Variants in DOCK4 observed in about 807,000 individuals in gnomAD.
DOCK4 encodes the protein dedicator of cytokinesis protein 4.
A neutral mutation model predicts 268.1 loss-of-function variants in DOCK4; 97 were observed. The observed-to-expected ratio is 0.36, with a 90% confidence interval of 0.31 to 0.43. DOCK4 has a LOEUF of 0.43. DOCK4 is among the 20% of genes least tolerant of loss of function. The pLI, the probability that DOCK4 is intolerant of heterozygous loss-of-function variation, is 1.00. For synonymous variants in DOCK4, 954 were observed against 887.2 expected, an observed-to-expected ratio of 1.08 and a Z score of -1.34; for missense variants, 2,145 against 2,455.7, an observed-to-expected ratio of 0.87 and a Z score of 2.67.
At chr7:111,837,570 C>A (rs901424630) in intron 25 of DOCK4, among the ~76,000 whole-genome samples, 4 of 151,958 alleles carry the variant, frequency 2.6e-5, no homozygotes, top group African/African-American at 9.7e-5. Flanking sequence ...AATATAAGAT[C>A]AATGTACAAA....
At chr7:111,886,703 A>C (rs937175970) in intron 16 of DOCK4, among the ~76,000 whole-genome samples, 2 of 152,170 alleles carry the variant, frequency 1.3e-5, no homozygotes, top group East Asian at 3.9e-4. Flanking sequence ...ATTCAACGCA[A>C]TGTGGGATCT....
intron 1 of DOCK4, among the ~76,000 whole-genome samples, chr7:112,020,685 T>TAAAAAAA (rs58803593): frequency 2.6e-5 from 3 of 116,912 alleles, no homozygotes; most frequent in African/African-American, 3.2e-5. Flanking sequence ...ACCCTAAAAG[T>TAAAAAAA]AAAAAAAAAA....
rs59879545 is a variant in DOCK4 at position 112,061,089 on chromosome 7, T to C, written c.38-56958A>G. 1.5e-3 allele frequency among the ~76,000 whole-genome samples: 223 copies of C among 152,248 alleles called. 1 individual carries two copies. The highest frequency in any genetic ancestry group is 5.2e-3 in the African/African-American group (216 of 41,530). On this transcript the variant is annotated intron_variant, in intron 1 of 52. Coordinates refer to ENST00000428084, the MANE Select transcript of DOCK4 (RefSeq NM_001363540.2). ...TTTTTCCCACATGAATATTTGCAAA[T>C]ATAAAAGGGAAATGATGGTGTTAAA...
rs968997302 is a variant in DOCK4 at position 112,205,509 on chromosome 7, G to A, written c.37+593C>T. On this transcript the variant is annotated intron_variant, in intron 1 of 52. Transcript: ENST00000428084. ...CGCAACATACACACCCCATAAATCC[G>A]GGATCGCAGAGAGGGAGGAGGGTCA... Among the ~76,000 whole-genome samples the A allele has an allele frequency of 2.6e-5, 4 of 152,070 alleles. No homozygotes were observed. In the South Asian group the frequency reaches 8.3e-4, roughly 31 times the overall value.
intron 16 of DOCK4, among the ~76,000 whole-genome samples, chr7:111,877,599 C>A (rs1432740363): frequency 6.6e-6 from 1 of 152,082 alleles, no homozygotes; most frequent in African/African-American, 2.4e-5. Flanking sequence ...CACTTAAATT[C>A]TTCCAACATC....
At chr7:111,973,156 C>CGCAT (rs990863473) in intron 8 of DOCK4, among the ~76,000 whole-genome samples, 8 of 114,048 alleles carry the variant, frequency 7.0e-5, no homozygotes, top group African/African-American at 2.9e-4. Context: ...TATTCCATGG[C>CGCAT]ATATATATAT....
chr7:112,073,210 T>C (rs957747548), intron 1 of DOCK4, among the ~76,000 whole-genome samples: 2 of 152,120 alleles, frequency 1.3e-5, no homozygotes, highest in South Asian at 4.2e-4. Context: ...CTCTATCAAG[T>C]TTTTTCTTCT....
intron 8 of DOCK4, among the ~76,000 whole-genome samples, chr7:111,946,637 A>C (rs1011474842): frequency 3.3e-5 from 5 of 152,190 alleles, no homozygotes; most frequent in Non-Finnish European, 7.3e-5. Context: ...GCTGGAGTAC[A>C]GTGGTATGAT....
chr7:111,888,279 T>A (rs1432007097), intron 16 of DOCK4, among the ~76,000 whole-genome samples: 1 of 149,126 alleles, frequency 6.7e-6, no homozygotes, highest in African/African-American at 2.5e-5. Flanking sequence ...GAGAGGGCAA[T>A]GCTTACAGAT....
Position 112,011,221 on chromosome 7 carries a change from C to T in DOCK4, c.38-7090G>A, listed in dbSNP as rs373480972. On this transcript the variant is annotated intron_variant, in intron 1 of 52. Coordinates refer to ENST00000428084, the MANE Select transcript of DOCK4 (RefSeq NM_001363540.2). ...CTAGGCCTGCATCACAGATCAACTT[C>T]GCCCTCTGGCAAGTTCTGCTTCCTT... Among the ~76,000 whole-genome samples the T allele has an allele frequency of 4.6e-5, 7 of 152,346 alleles. No individual in the cohort carries two copies. In the East Asian group the frequency reaches 1.4e-3, roughly 29 times the overall value.
chr7:111,798,047 T>C (rs985414106), intron 30 of DOCK4, among the ~76,000 whole-genome samples: 4 of 152,218 alleles, frequency 2.6e-5, no homozygotes, highest in African/African-American at 7.2e-5. Flanking sequence ...ACAAAGGCTC[T>C]AGCAGCAGCT....
intron 1 of DOCK4, among the ~76,000 whole-genome samples, chr7:112,185,113 ATACTGAAC>A (rs1439696332): frequency 3.3e-5 from 5 of 152,162 alleles, no homozygotes; most frequent in African/African-American, 4.8e-5. Context: ...GAAATCAATA[ATACTGAAC>A]TACAGAGCAC....
intron 13 of DOCK4, among the ~76,000 whole-genome samples, chr7:111,912,994 G>A (rs974121308): frequency 1.4e-5 from 2 of 145,148 alleles, no homozygotes; most frequent in African/African-American, 2.6e-5. Context: ...ATGGAGTTTC[G>A]TTCTTGTTGC....
intron 1 of DOCK4, among the ~76,000 whole-genome samples, chr7:112,041,602 T>A (rs1453113320): frequency 6.6e-6 from 1 of 152,194 alleles, no homozygotes; most frequent in Non-Finnish European, 1.5e-5. Flanking sequence ...CCAATACCAT[T>A]TCTACTCTAC....
At chr7:111,939,231 A>G (rs1405213415) in intron 11 of DOCK4, among the ~76,000 whole-genome samples, 1 of 151,770 alleles carries the variant, frequency 6.6e-6, no homozygotes, top group Non-Finnish European at 1.5e-5. Context: ...AAATCTATTT[A>G]TGGGCTGGGG....
At chr7:112,159,199 A>G (rs1395156898) in intron 1 of DOCK4, among the ~76,000 whole-genome samples, 1 of 152,096 alleles carries the variant, frequency 6.6e-6, no homozygotes, top group Non-Finnish European at 1.5e-5. Context: ...ACCACTCTAC[A>G]AAACCCTACC....
At position 111,755,596 on chromosome 7, in the gene DOCK4, G is replaced by A. The variant is rs777109495; in HGVS notation, c.4335C>T (p.Leu1445=). ...AGTATAATGACGTTCTCTCCACCCA[G>A]AGACTCTACAAAACACAAAACACAT... is the stretch of plus-strand genomic sequence containing the variant. ...TKDKENEFKS[L]WVERTSLYLV... The change falls in exon 42 of 53, where the codon CTC becomes CTT. Residue 1445 remains leucine (L), a synonymous_variant. Coordinates refer to ENST00000428084, the MANE Select transcript of DOCK4 (RefSeq NM_001363540.2). 16 of 1,613,728 alleles carry A rather than the reference G, an allele frequency of 9.9e-6. No homozygotes were observed. The African/African-American group carries it at 1.1e-4, about 11-fold the overall frequency.
At chr7:111,960,501 A>C (rs1166993651) in intron 8 of DOCK4, among the ~76,000 whole-genome samples, 1 of 150,894 alleles carries the variant, frequency 6.6e-6, no homozygotes, top group Non-Finnish European at 1.5e-5. Flanking sequence ...CATGAGGTAA[A>C]ACACGTGCTT....
chr7:111,814,590 C>A (rs528720243), intron 27 of DOCK4, among the ~76,000 whole-genome samples: 5 of 152,182 alleles, frequency 3.3e-5, no homozygotes, highest in African/African-American at 7.2e-5. Context: ...GCACTTCTAA[C>A]AAGCTCCAGC....
Sources: gnomAD v4.1 joint callset for allele counts (sites outside exome capture counted in the v4.1 genomes callset) on GRCh38, gnomAD v4.1.1 for gene constraint, MANE v1.5 for transcripts, NCBI Gene and HGNC (gene_info 2026-07-23, HGNC 2026-07-21) for gene names.